Variants in SMOC2 observed in about 807,000 individuals in gnomAD.
SMOC2 encodes the protein SPARC-related modular calcium-binding protein 2.
In SMOC2, 39 loss-of-function variants were observed where a neutral mutation model predicts 61.4. The ratio of observed to expected loss-of-function variants is 0.64; its 90% CI spans 0.49 to 0.83. The LOEUF is 0.83. Ranked by LOEUF, SMOC2 falls within the 40% of genes least tolerant of loss-of-function variation. The pLI is 0.00. For missense variants in SMOC2, 556 were observed against 592.9 expected, an observed-to-expected ratio of 0.94 and a Z score of 0.65; for synonymous variants, 247 against 239.9, an observed-to-expected ratio of 1.03 and a Z score of -0.27.
chr6:168,485,607 C>G (rs1412017645), intron 1 of SMOC2, among the ~76,000 whole-genome samples: 1 of 151,994 alleles, frequency 6.6e-6, no homozygotes, highest in Non-Finnish European at 1.5e-5. Flanking sequence ...TATAAAATGC[C>G]CAGAATAGGG....
rs533031724 is a variant in SMOC2 at position 168,587,276 on chromosome 6, TAGAC to T, written c.638-11539_638-11536del. Among the ~76,000 whole-genome samples, 53 of 152,334 alleles carry T rather than the reference TAGAC, an allele frequency of 3.5e-4. No individual in the cohort carries two copies. The South Asian group carries it at 5.0e-3, about 14-fold the overall frequency. The stretch of plus-strand genomic sequence containing the variant: ...CCTCCCGCCCACCTTGTGAGACAAT[TAGAC>T]AGGTTTGACACTGTTGTGAACCCAA... On this transcript the variant is annotated intron_variant, in intron 7 of 12. Coordinates refer to ENST00000356284, the MANE Select transcript of SMOC2 (RefSeq NM_001166412.2).
At chr6:168,518,549 G>T (rs1783211762) in intron 2 of SMOC2, among the ~76,000 whole-genome samples, 2 of 151,172 alleles carry the variant, frequency 1.3e-5, no homozygotes, top group Middle Eastern at 3.4e-3. Flanking sequence ...GCGTGTGTAT[G>T]CTTGTGTGAG....
chr6:168,566,398 T>C (rs991057301), intron 7 of SMOC2, among the ~76,000 whole-genome samples: 1 of 152,188 alleles, frequency 6.6e-6, no homozygotes, highest in Non-Finnish European at 1.5e-5. Context: ...GGATTTAATG[T>C]ATTTTAAGAA....
intron 1 of SMOC2, among the ~76,000 whole-genome samples, chr6:168,492,741 C>T (rs1782496954): frequency 6.6e-6 from 1 of 152,150 alleles, no homozygotes; most frequent in African/African-American, 2.4e-5. Context: ...TGGATGGTGA[C>T]CAGAGGCACA....
At chr6:168,492,490 A>G (rs973126213) in intron 1 of SMOC2, among the ~76,000 whole-genome samples, 1 of 152,224 alleles carries the variant, frequency 6.6e-6, no homozygotes, top group Non-Finnish European at 1.5e-5. Context: ...TCACAAAGTC[A>G]CTCTTACAGG....
chr6:168,521,591 A>G (rs1583077212), intron 2 of SMOC2, among the ~76,000 whole-genome samples: 1 of 152,228 alleles, frequency 6.6e-6, no homozygotes. Context: ...AAAATTCATC[A>G]AAATATTTCT....
In SMOC2 at chr6:168,495,409, T is replaced by C. The variant is rs536700551; in HGVS notation, c.85-14506T>C. 5.9e-5 allele frequency among the ~76,000 whole-genome samples: 9 copies of C among 152,340 alleles called. No individual in the cohort carries two copies. In the East Asian group the frequency reaches 1.2e-3, roughly 20 times the overall value. On this transcript the variant is annotated intron_variant, in intron 1 of 12. Transcript: ENST00000356284. ...TCCCGGTGCCCACCGCTGGGGTCGC[T>C]TCCAGAGCTCCAACATTTTCCTTGG...
intron 2 of SMOC2, among the ~76,000 whole-genome samples, chr6:168,518,913 G>A (rs1783237145): frequency 6.6e-6 from 1 of 151,788 alleles, no homozygotes; most frequent in Non-Finnish European, 1.5e-5. Context: ...GCATGTGTGA[G>A]TGAGCATGAG....
chr6:168,560,507 A>AG (rs1438289181), intron 7 of SMOC2, among the ~76,000 whole-genome samples: 1 of 146,520 alleles, frequency 6.8e-6, no homozygotes, highest in East Asian at 2.0e-4. Context: ...CTGAGATGTG[A>AG]GGCTCTCACT....
intron 8 of SMOC2, among the ~76,000 whole-genome samples, chr6:168,600,907 C>G (rs1176419608): frequency 6.6e-6 from 1 of 152,202 alleles, no homozygotes; most frequent in African/African-American, 2.4e-5. Context: ...TCCTGAAGAA[C>G]AAGAGCTGTG....
At position 168,667,880 on chromosome 6, in the gene SMOC2, A is replaced by G. The variant is rs971126043; in HGVS notation, c.*1442A>G. 9 of 152,364 alleles carry G rather than the reference A, an allele frequency of 5.9e-5. No individual in the cohort carries two copies. The highest frequency in any genetic ancestry group is 2.1e-4 in the South Asian group (1 of 4,828). The allele number at this position is 152,364 out of a possible 1,614,324, so 9.4% of individuals were successfully genotyped here. ...ACAGAACCAGCTCAAGTACATGCCA[A>G]TGTTGTTTAAGAAACAGTTATGATC... On this transcript the variant is annotated 3_prime_UTR_variant, in exon 13 of 13. Transcript: ENST00000356284.
intron 8 of SMOC2, 28 bp downstream of exon 8, chr6:168,599,032 G>A (rs1785409423): frequency 6.5e-7 from 1 of 1,544,254 alleles, no homozygotes. Flanking sequence ...ACCCCCCCCG[G>A]GACCATGGGA....
intron 9 of SMOC2, among the ~76,000 whole-genome samples, chr6:168,637,248 G>A (rs551157022): frequency 6.6e-6 from 1 of 152,254 alleles, no homozygotes; most frequent in East Asian, 1.9e-4. Flanking sequence ...GAAGCTGGGT[G>A]TGGTCCATTA....
chr6:168,526,359 T>C lies in SMOC2; in HGVS notation c.270T>C (p.Cys90=), dbSNP rs1562328601. Residue 90 remains cysteine (C), a synonymous_variant, in exon 3 of 13, where the codon TGT becomes TGC. Coordinates refer to ENST00000356284, the MANE Select transcript of SMOC2 (RefSeq NM_001166412.2). ...YRGNCKDVSR[C]VAERKYTQEQ... is the part of the protein sequence containing the mutation. ...TCTTCCCTACAGACGTGTCCAGGTGTGTGGCCGAAAGGAAGTATACCCAGG... is the reference window on the plus strand; with the variant it reads ...TCTTCCCTACAGACGTGTCCAGGTGCGTGGCCGAAAGGAAGTATACCCAGG... The C allele has an allele frequency of 7.4e-6, 12 of 1,614,220 alleles. No homozygotes were observed. The highest frequency in any genetic ancestry group is 1.0e-5 in the Non-Finnish European group (12 of 1,180,026).
intron 1 of SMOC2, among the ~76,000 whole-genome samples, chr6:168,487,284 G>A (rs1316464316): frequency 3.3e-5 from 5 of 152,158 alleles, no homozygotes; most frequent in African/African-American, 1.2e-4. Flanking sequence ...ACTCACAGTG[G>A]ACAGGAACGA....
intron 9 of SMOC2, among the ~76,000 whole-genome samples, chr6:168,617,625 A>G (rs1344551907): frequency 6.6e-6 from 1 of 152,138 alleles, no homozygotes; most frequent in Non-Finnish European, 1.5e-5. Flanking sequence ...TGGCTGCCCC[A>G]CTGCTTCCTC....
At chr6:168,578,172 G>T (rs1784849368) in intron 7 of SMOC2, among the ~76,000 whole-genome samples, 1 of 152,184 alleles carries the variant, frequency 6.6e-6, no homozygotes, top group South Asian at 2.1e-4. Context: ...GCTCCAGGTG[G>T]CAGGAAGCTT....
At chr6:168,541,176 C>T (rs1783870570) in intron 4 of SMOC2, among the ~76,000 whole-genome samples, 1 of 152,202 alleles carries the variant, frequency 6.6e-6, no homozygotes, top group Non-Finnish European at 1.5e-5. Context: ...ACAAAACCCA[C>T]CCCTTTAGAA....
intron 1 of SMOC2, among the ~76,000 whole-genome samples, chr6:168,455,749 A>G (rs967603044): frequency 3.3e-5 from 5 of 152,214 alleles, no homozygotes; most frequent in Admixed American, 3.3e-4. Context: ...GAAACCTTGA[A>G]CTTAGAGGAA....
Sources: allele counts gnomAD v4.1 joint callset (sites outside exome capture counted in the v4.1 genomes callset), GRCh38; gene constraint gnomAD v4.1.1; transcripts MANE v1.5; gene names NCBI Gene and HGNC (gene_info 2026-07-23, HGNC 2026-07-21).